Variants in ZBTB49 observed in about 807,000 individuals in gnomAD.
ZBTB49 encodes the protein zinc finger and BTB domain-containing protein 49.
Under a neutral mutation model 57.5 loss-of-function variants are expected in ZBTB49, and 43 were observed. That is an observed-to-expected ratio of 0.75 (90% CI 0.59 to 0.97). The LOEUF is 0.97. Ranked by LOEUF, ZBTB49 falls within the 50% of genes least tolerant of loss-of-function variation. The pLI is 0.00. For synonymous variants in ZBTB49, 369 were observed against 362.1 expected, an observed-to-expected ratio of 1.02 and a Z score of -0.22; for missense variants, 938 against 947.7, an observed-to-expected ratio of 0.99 and a Z score of 0.13.
At chr4:4,298,884 T>C (rs944335698) in intron 1 of ZBTB49, among the ~76,000 whole-genome samples, 7 of 152,228 alleles carry the variant, frequency 4.6e-5, no homozygotes, top group Admixed American at 3.9e-4. Context: ...TTAACTGTTT[T>C]GTTTAGTCGT....
intron 3 of ZBTB49, 62 bp from the exon 4 acceptor site, chr4:4,306,072 TAAAC>T (rs1289685440): frequency 1.3e-6 from 2 of 1,497,230 alleles, no homozygotes; most frequent in Non-Finnish European, 1.9e-6. Context: ...GGAGGTCATT[TAAAC>T]AAAAAATTAT....
At chr4:4,297,456 G>T (rs187368357) in intron 1 of ZBTB49, among the ~76,000 whole-genome samples, 6 of 152,146 alleles carry the variant, frequency 3.9e-5, no homozygotes, top group Non-Finnish European at 7.4e-5. Context: ...ACACTGGGAA[G>T]ATCACAGAGG....
intron 1 of ZBTB49, among the ~76,000 whole-genome samples, chr4:4,290,653 C>T (rs1719849231): frequency 6.6e-6 from 1 of 152,270 alleles, no homozygotes; most frequent in Admixed American, 6.5e-5. Flanking sequence ...CACCCGCGCC[C>T]TCTCATCTCC....
At chr4:4,306,623 C>G (rs1469664881) in intron 4 of ZBTB49, among the ~76,000 whole-genome samples, 2 of 152,150 alleles carry the variant, frequency 1.3e-5, no homozygotes, top group Non-Finnish European at 2.9e-5. Context: ...TGACTGCTAC[C>G]TTTAGCTGAC....
At chr4:4,305,277 G>A (rs1350821141) in intron 3 of ZBTB49, among the ~76,000 whole-genome samples, 1 of 151,978 alleles carries the variant, frequency 6.6e-6, no homozygotes, top group African/African-American at 2.4e-5. Flanking sequence ...CTTTCTTCAA[G>A]GTAGCAAGCC....
At chr4:4,294,421 A>G (rs757731359) in intron 1 of ZBTB49, among the ~76,000 whole-genome samples, 1 of 152,138 alleles carries the variant, frequency 6.6e-6, no homozygotes, top group Non-Finnish European at 1.5e-5. Context: ...CAGTGGTGCA[A>G]TCTCGGCTCA....
Position 4,302,843 on chromosome 4 carries a change from G to A in ZBTB49, c.1007G>A (p.Arg336Lys), listed in dbSNP as rs769184233. 6.2e-7 allele frequency: 1 copy of A among 1,613,830 alleles called. No individual in the cohort carries two copies. Among genetic ancestry groups the A allele is most frequent in the Non-Finnish European group, 8.5e-7 (1 of 1,179,772 alleles). Residue 336 changes from arginine (R) to lysine (K), a missense_variant, in exon 3 of 8, where the codon AGG becomes AAG. Coordinates refer to ENST00000337872, the MANE Select transcript of ZBTB49 (RefSeq NM_145291.4). ...AAGTCAGATGATGGTTTGACAAAGA[G>A]GTTGGAATCTGCTAGTAAAAATACC... Reference protein sequence around the residue: ...EPKSDDGLTKRLESASKNTLE... With the variant: ...EPKSDDGLTKKLESASKNTLE...
At chr4:4,315,772 C>G in intron 6 of ZBTB49, 37 bp from the exon 7 acceptor site, 1 of 1,613,838 alleles carries the variant, frequency 6.2e-7, no homozygotes, top group Non-Finnish European at 8.5e-7. Context: ...AAAATGTTCT[C>G]TGTCCTTCAG....
intron 7 of ZBTB49, 127 bp downstream of exon 7, chr4:4,316,097 A>T: frequency 8.1e-7 from 1 of 1,227,376 alleles, no homozygotes; most frequent in Non-Finnish European, 1.1e-6. Flanking sequence ...TTATTGCCTC[A>T]CATGATCTCT....
rs76286006 is a variant in ZBTB49, at chr4:4,312,733, C to T, written c.1303-308C>T. On this transcript the variant is annotated intron_variant, in intron 4 of 7. Transcript: ENST00000337872. Reference sequence around the variant, plus strand: ...ATTTAAAGTCCAGGCTTGGCGACCACCAAAGCAGCCTCCACAGGGTGCTGT... The same window carrying T: ...ATTTAAAGTCCAGGCTTGGCGACCATCAAAGCAGCCTCCACAGGGTGCTGT... 3.3e-5 allele frequency among the ~76,000 whole-genome samples: 5 copies of T among 152,182 alleles called. No homozygotes were observed. The East Asian group carries it at 9.6e-4, about 29-fold the overall frequency.
intron 4 of ZBTB49, among the ~76,000 whole-genome samples, chr4:4,310,077 G>T (rs985978666): frequency 1.3e-5 from 2 of 152,100 alleles, no homozygotes; most frequent in Non-Finnish European, 2.9e-5. Context: ...AATAGATGCT[G>T]GGTTTGTTCA....
chr4:4,305,273 T>C (rs1229491691), intron 3 of ZBTB49, among the ~76,000 whole-genome samples: 2 of 152,162 alleles, frequency 1.3e-5, no homozygotes, highest in Non-Finnish European at 2.9e-5. Flanking sequence ...GCTGCTTTCT[T>C]CAAGGTAGCA....
At chr4:4,318,190 T>C (rs1178319872) in intron 7 of ZBTB49, among the ~76,000 whole-genome samples, 2 of 152,216 alleles carry the variant, frequency 1.3e-5, no homozygotes, top group African/African-American at 2.4e-5. Flanking sequence ...CAGGCACCCA[T>C]ATTCCTCTTT....
At chr4:4,317,228 A>C (rs1721228213) in intron 7 of ZBTB49, among the ~76,000 whole-genome samples, 1 of 152,196 alleles carries the variant, frequency 6.6e-6, no homozygotes. Context: ...TCCCTGCCTC[A>C]CTAACCCTGG....
At chr4:4,299,379 A>G (rs930014282) in intron 1 of ZBTB49, among the ~76,000 whole-genome samples, 5 of 150,958 alleles carry the variant, frequency 3.3e-5, no homozygotes, top group African/African-American at 9.7e-5. Flanking sequence ...CCTGTACCTT[A>G]TCTCCCAAAA....
intron 4 of ZBTB49, 42 bp downstream of exon 4, chr4:4,306,226 AAC>A (rs1299559950): frequency 1.9e-6 from 3 of 1,538,798 alleles, no homozygotes; most frequent in African/African-American, 2.7e-5. Context: ...GGAAACCTGC[AAC>A]ACAGTGTTTT....
chr4:4,294,233 A>G (rs1024134076), intron 1 of ZBTB49, among the ~76,000 whole-genome samples: 1 of 152,174 alleles, frequency 6.6e-6, no homozygotes, highest in African/African-American at 2.4e-5. Flanking sequence ...TTATAACCTC[A>G]TTGGGGTTTC....
chr4:4,295,305 G>T (rs538722101), intron 1 of ZBTB49, among the ~76,000 whole-genome samples: 4 of 152,094 alleles, frequency 2.6e-5, no homozygotes, highest in Non-Finnish European at 4.4e-5. Context: ...AGAACCGGGT[G>T]GGGGGAGCAG....
chr4:4,292,921 C>T (rs921812842), intron 1 of ZBTB49, among the ~76,000 whole-genome samples: 1 of 152,198 alleles, frequency 6.6e-6, no homozygotes, highest in Non-Finnish European at 1.5e-5. Context: ...TCTTCATTCA[C>T]ATTGATCTAA....
Sources: gnomAD v4.1 joint callset for allele counts (sites outside exome capture counted in the v4.1 genomes callset) on GRCh38, gnomAD v4.1.1 for gene constraint, MANE v1.5 for transcripts, NCBI Gene and HGNC (gene_info 2026-07-23, HGNC 2026-07-21) for gene names.